Variants in XKR4 observed in about 807,000 individuals in gnomAD.
XKR4 encodes the protein XK-related protein 4.
In XKR4, 12 loss-of-function variants were observed where a neutral mutation model predicts 53.9. That is an observed-to-expected ratio of 0.22 (90% CI 0.14 to 0.36). The LOEUF (loss-of-function observed/expected upper bound fraction) is 0.36, where lower values mean the gene tolerates loss of function less well. Ranked by LOEUF, XKR4 falls within the 10% of genes least tolerant of loss-of-function variation. The pLI is 1.00. For missense variants in XKR4, 799 were observed against 859.5 expected (o/e 0.93, Z 0.88); for synonymous variants, 354 against 362.4 (o/e 0.98, Z 0.26).
chr8:55,398,924 C>A (rs1393817621), intron 2 of XKR4, among the ~76,000 whole-genome samples: 1 of 152,168 alleles, frequency 6.6e-6, no homozygotes, highest in Non-Finnish European at 1.5e-5. Context: ...TGGAGCTCTA[C>A]AGATATCATG....
At chr8:55,372,627 G>A (rs184576763) in intron 2 of XKR4, among the ~76,000 whole-genome samples, 162 of 151,920 alleles carry the variant, frequency 1.1e-3, no homozygotes, top group Non-Finnish European at 2.1e-3. Flanking sequence ...GGGTAGGTGG[G>A]TGGGTAAGGG....
intron 2 of XKR4, among the ~76,000 whole-genome samples, chr8:55,392,004 G>T (rs1283301914): frequency 6.6e-6 from 1 of 152,156 alleles, no homozygotes; most frequent in Non-Finnish European, 1.5e-5. Flanking sequence ...TGTTAATGTT[G>T]TTAGGAACCA....
intron 1 of XKR4, among the ~76,000 whole-genome samples, chr8:55,218,467 T>G (rs1277491322): frequency 6.6e-6 from 1 of 152,222 alleles, no homozygotes; most frequent in African/African-American, 2.4e-5. Context: ...AATATACATT[T>G]GTCCTGCACA....
At chr8:55,199,172 G>A (rs1213415685) in intron 1 of XKR4, among the ~76,000 whole-genome samples, 2 of 152,072 alleles carry the variant, frequency 1.3e-5, no homozygotes, top group African/African-American at 4.8e-5. Flanking sequence ...AGTGATAGAA[G>A]GTCAAAGGCA....
At chr8:55,261,710 C>A (rs1283953783) in intron 1 of XKR4, among the ~76,000 whole-genome samples, 1 of 152,164 alleles carries the variant, frequency 6.6e-6, no homozygotes, top group Non-Finnish European at 1.5e-5. Flanking sequence ...TGGAAACAGA[C>A]AGCTGAGCAG....
At chr8:55,139,512 C>CA (rs5891559) in intron 1 of XKR4, among the ~76,000 whole-genome samples, 64,361 of 114,652 alleles carry the variant, frequency 0.56, 19,595 homozygotes, top group South Asian at 0.76. Flanking sequence ...GACTCCGTCT[C>CA]AAAAAAAAAA....
At chr8:55,341,207 C>T (rs1166223717) in intron 1 of XKR4, among the ~76,000 whole-genome samples, 1 of 152,170 alleles carries the variant, frequency 6.6e-6, no homozygotes, top group East Asian at 1.9e-4. Flanking sequence ...CTAGTGTGTT[C>T]ATAAGCAGGT....
intron 1 of XKR4, among the ~76,000 whole-genome samples, chr8:55,103,794 A>C (rs1455047787): frequency 8.8e-5 from 13 of 147,840 alleles, no homozygotes; most frequent in African/African-American, 3.0e-4. Context: ...CATATTAATG[A>C]TCACTGCTGG....
intron 2 of XKR4, among the ~76,000 whole-genome samples, chr8:55,441,490 C>A (rs1805265767): frequency 6.6e-6 from 1 of 151,960 alleles, no homozygotes; most frequent in Admixed American, 6.6e-5. Context: ...TTGAAAAATG[C>A]ATTTTTTAAG....
At chr8:55,251,297 C>G (rs1328865168) in intron 1 of XKR4, among the ~76,000 whole-genome samples, 3 of 152,160 alleles carry the variant, frequency 2.0e-5, no homozygotes, top group Non-Finnish European at 2.9e-5. Context: ...AGGTGTCATC[C>G]AGAACTATGA....
intron 1 of XKR4, among the ~76,000 whole-genome samples, chr8:55,137,373 T>C (rs999371619): frequency 2.6e-5 from 4 of 152,294 alleles, no homozygotes; most frequent in East Asian, 3.9e-4. Context: ...TCAATTATTA[T>C]ATATTGAGCA....
At chr8:55,381,869 T>C (rs1291123758) in intron 2 of XKR4, among the ~76,000 whole-genome samples, 1 of 152,204 alleles carries the variant, frequency 6.6e-6, no homozygotes. Flanking sequence ...ACACATGGAA[T>C]GTGTATTCTT....
chr8:55,280,426 G>T (rs1443228129), intron 1 of XKR4, among the ~76,000 whole-genome samples: 1 of 152,198 alleles, frequency 6.6e-6, no homozygotes, highest in Non-Finnish European at 1.5e-5. Flanking sequence ...CAAACACCCT[G>T]CTGTCAATCA....
chr8:55,193,538 C>T (rs1817469820), intron 1 of XKR4, among the ~76,000 whole-genome samples: 1 of 152,166 alleles, frequency 6.6e-6, no homozygotes, highest in Non-Finnish European at 1.5e-5. Flanking sequence ...CCCTTCTGGG[C>T]CTACAGCTGC....
intron 2 of XKR4, among the ~76,000 whole-genome samples, chr8:55,495,491 CCT>C (rs921203918): frequency 6.6e-6 from 1 of 152,212 alleles, no homozygotes; most frequent in African/African-American, 2.4e-5. Flanking sequence ...TTGCTGTGCC[CCT>C]CTCTACCCAT....
chr8:55,387,232 C>T (rs747695374), intron 2 of XKR4, among the ~76,000 whole-genome samples: 20 of 152,198 alleles, frequency 1.3e-4, no homozygotes, highest in Non-Finnish European at 2.1e-4. Context: ...TGCTCTGACT[C>T]CAGGAGCACT....
At position 55,533,060 on chromosome 8, in the gene XKR4, A is replaced by G. The variant is rs539417571; in HGVS notation, c.*8833A>G. The G allele has an allele frequency of 1.4e-4, 22 of 152,346 alleles. No individual in the cohort carries two copies. Among genetic ancestry groups the G allele is most frequent in the Admixed American group, 1.2e-3 (18 of 15,306 alleles). 9.4% of individuals were successfully genotyped at this position (152,346 alleles called of 1,614,324 possible). A position where few individuals can be genotyped will look rare whatever the true frequency, so the allele number is the denominator to read the frequency against. On this transcript the variant is annotated 3_prime_UTR_variant, in exon 3 of 3. Transcript: ENST00000327381. ...ACTTTTAATTATTTCACATTAATTC[A>G]TCAAGAAGTTCCAAAACACTACTAA...
intron 1 of XKR4, among the ~76,000 whole-genome samples, chr8:55,239,230 T>C (rs1818174529): frequency 6.6e-6 from 1 of 152,226 alleles, no homozygotes. Flanking sequence ...CATTCTGTGT[T>C]AGGTAGAGAT....
At chr8:55,287,540 A>G (rs1169075966) in intron 1 of XKR4, among the ~76,000 whole-genome samples, 1 of 152,166 alleles carries the variant, frequency 6.6e-6, no homozygotes, top group Non-Finnish European at 1.5e-5. Flanking sequence ...CTTGAACCTA[A>G]TGAGAGATGG....
Sources: gnomAD v4.1 joint callset for allele counts (sites outside exome capture counted in the v4.1 genomes callset) on GRCh38, gnomAD v4.1.1 for gene constraint, MANE v1.5 for transcripts, NCBI Gene and HGNC (gene_info 2026-07-23, HGNC 2026-07-21) for gene names.